Variants in GNG7 observed in about 807,000 individuals in gnomAD.
GNG7 encodes guanine nucleotide-binding protein G(I)/G(S)/G(O) subunit gamma-7.
Under a neutral mutation model 4.0 loss-of-function variants are expected in GNG7, and 1 was observed. That is an observed-to-expected ratio of 0.25 (90% CI 0.09 to 1.18). GNG7 has a LOEUF of 1.18. Ranked by LOEUF, GNG7 falls within the 50% of genes most tolerant of loss-of-function variation. The probability of loss-of-function intolerance (pLI) is 0.50; values close to 1 mark genes in which losing one functional copy is unlikely to be tolerated. For synonymous variants in GNG7, 34 were observed against 36.9 expected, an observed-to-expected ratio of 0.92 and a Z score of 0.29; for missense variants, 86 against 91.9, an observed-to-expected ratio of 0.94 and a Z score of 0.26.
intron 2 of GNG7, among the ~76,000 whole-genome samples, chr19:2,570,579 A>G (rs1169213110): frequency 6.6e-6 from 1 of 152,128 alleles, no homozygotes; most frequent in African/African-American, 2.4e-5. Flanking sequence ...AGAGCAAAGG[A>G]GAAGCTAAAT....
rs115102578 is a variant in GNG7, at chr19:2,516,111, G to C, written c.82-964C>G. Among the ~76,000 whole-genome samples, 577 of 152,020 alleles carry C rather than the reference G, an allele frequency of 3.8e-3. 6 individuals carry two copies. Among genetic ancestry groups the C allele is most frequent in the African/African-American group, 0.013 (532 of 41,470 alleles). ...GGGCATCTGTAGTCCCAGCTAACTGGGGGGCTGAGGCTGGAGGATTGCTTG... is the reference window on the plus strand; with the variant it reads ...GGGCATCTGTAGTCCCAGCTAACTGCGGGGCTGAGGCTGGAGGATTGCTTG... On this transcript the variant is annotated intron_variant, in intron 4 of 4. Transcript: ENST00000382159.
At position 2,514,709 on chromosome 19, in the gene GNG7, G is replaced by T. The variant is rs1340026915; in HGVS notation, c.*313C>A. 4.9e-6 allele frequency: 1 copy of T among 204,168 alleles called. No homozygotes were observed. Among genetic ancestry groups the T allele is most frequent in the Non-Finnish European group, 1.0e-5 (1 of 100,474 alleles). The allele number at this position is 204,168 out of a possible 1,614,324, so 12.6% of individuals were successfully genotyped here. A position where few individuals can be genotyped will look rare whatever the true frequency, so the allele number is the denominator to read the frequency against. ...AGTTTTAAAAAATTGTTACCCCATC[G>T]CTGGGGGATTTCAGTTATTCCGAAC... On this transcript the variant is annotated 3_prime_UTR_variant, in exon 5 of 5. Coordinates refer to ENST00000382159, the MANE Select transcript of GNG7 (RefSeq NM_052847.3).
Position 2,531,774 on chromosome 19 carries a change from A to ACC in GNG7, c.-37-11050_-37-11049insGG, listed in dbSNP as rs1168641834. ...TAACAGAGCGAGACTCCGTCCCAAA[A>ACC]AAAAAAAAAAATGCACAATACAATA... On this transcript the variant is annotated intron_variant, in intron 3 of 4. Coordinates refer to ENST00000382159, the MANE Select transcript of GNG7 (RefSeq NM_052847.3). 9.9e-4 allele frequency among the ~76,000 whole-genome samples: 143 copies of ACC among 145,022 alleles called. 1 individual carries two copies. Among genetic ancestry groups the ACC allele is most frequent in the African/African-American group, 2.5e-3 (89 of 36,274 alleles).
intron 3 of GNG7, among the ~76,000 whole-genome samples, chr19:2,552,163 C>T (rs1049590911): frequency 6.6e-6 from 1 of 151,990 alleles, no homozygotes; most frequent in Non-Finnish European, 1.5e-5. Flanking sequence ...CCTCGACTGG[C>T]CAACATGATA....
At position 2,669,878 on chromosome 19, in the gene GNG7, C is replaced by T. The variant is rs539049133; in HGVS notation, c.-134-23598G>A. ...TACAAAAATTAGCCAGGCGTGGTGG[C>T]GGGTACCTATAATCCCAGCTACTCG... On this transcript the variant is annotated intron_variant, in intron 1 of 4. Coordinates refer to ENST00000382159, the MANE Select transcript of GNG7 (RefSeq NM_052847.3). 8.6e-5 allele frequency among the ~76,000 whole-genome samples: 13 copies of T among 151,670 alleles called. No individual in the cohort carries two copies. The East Asian group carries it at 2.3e-3, about 27-fold the overall frequency.
At chr19:2,540,224 C>T (rs1311126652) in intron 3 of GNG7, among the ~76,000 whole-genome samples, 1 of 151,968 alleles carries the variant, frequency 6.6e-6, no homozygotes, top group African/African-American at 2.4e-5. Context: ...GATCCCACCT[C>T]ACTGAAAACT....
rs1352233151 is a variant in GNG7 at position 2,551,197 on chromosome 19, C to T, written c.-38+3952G>A. Among the ~76,000 whole-genome samples, 3 of 152,224 alleles carry T rather than the reference C, an allele frequency of 2.0e-5. No individual in the cohort carries two copies. The East Asian group carries it at 5.8e-4, about 29-fold the overall frequency. Reference sequence around the variant, plus strand: ...GGCTCAGGGCAGGCTCCAGGGACCTCACCCTGGCCGTTTGACCTCCAGCAA... The same window carrying T: ...GGCTCAGGGCAGGCTCCAGGGACCTTACCCTGGCCGTTTGACCTCCAGCAA... On this transcript the variant is annotated intron_variant, in intron 3 of 4. Transcript: ENST00000382159.
intron 2 of GNG7, among the ~76,000 whole-genome samples, chr19:2,577,154 C>G (rs928976597): frequency 2.0e-5 from 3 of 152,216 alleles, no homozygotes; most frequent in African/African-American, 7.2e-5. Context: ...CAATTGCCAT[C>G]CATGTGGCGC....
chr19:2,659,139 T>G (rs1983073543), intron 1 of GNG7, among the ~76,000 whole-genome samples: 1 of 151,892 alleles, frequency 6.6e-6, no homozygotes, highest in Non-Finnish European at 1.5e-5. Context: ...CTGGCTAATT[T>G]TTTGTATTTT....
chr19:2,698,400 C>T (rs1337319499), intron 1 of GNG7, among the ~76,000 whole-genome samples: 1 of 151,910 alleles, frequency 6.6e-6, no homozygotes, highest in Admixed American at 6.6e-5. Context: ...CCCGTCTCTA[C>T]TAAAAATATA....
intron 3 of GNG7, among the ~76,000 whole-genome samples, chr19:2,531,577 C>A (rs909598651): frequency 2.0e-5 from 3 of 151,904 alleles, no homozygotes; most frequent in Non-Finnish European, 2.9e-5. Context: ...CAAGACCATC[C>A]TGGCTAACAT....
At chr19:2,689,199 A>C (rs1355683894) in intron 1 of GNG7, among the ~76,000 whole-genome samples, 2 of 59,366 alleles carry the variant, frequency 3.4e-5, no homozygotes, top group African/African-American at 6.7e-5. Context: ...AAAATAATGC[A>C]AAAAAAAAGG....
intron 2 of GNG7, among the ~76,000 whole-genome samples, chr19:2,641,410 G>A (rs368690401): frequency 1.1e-4 from 17 of 152,276 alleles, no homozygotes; most frequent in East Asian, 3.9e-4. Flanking sequence ...GGGTGATCTG[G>A]GGGCCCCAAT....
chr19:2,692,494 G>A (rs1484824191), intron 1 of GNG7, among the ~76,000 whole-genome samples: 3 of 152,064 alleles, frequency 2.0e-5, no homozygotes, highest in African/African-American at 7.3e-5. Context: ...AATCAGCCGG[G>A]TGTGGTGGCG....
chr19:2,689,844 C>A (rs185624683), intron 1 of GNG7, among the ~76,000 whole-genome samples: 2 of 151,946 alleles, frequency 1.3e-5, no homozygotes, highest in African/African-American at 4.8e-5. Flanking sequence ...CACGCTTTTT[C>A]GGTAAGAGTC....
chr19:2,674,748 G>A (rs1018284834), intron 1 of GNG7, among the ~76,000 whole-genome samples: 1 of 152,208 alleles, frequency 6.6e-6, no homozygotes, highest in Non-Finnish European at 1.5e-5. Context: ...CAAGGTGACT[G>A]TTTTAAAACA....
chr19:2,629,328 C>A (rs1339186470), intron 2 of GNG7, among the ~76,000 whole-genome samples: 1 of 152,208 alleles, frequency 6.6e-6, no homozygotes, highest in Non-Finnish European at 1.5e-5. Context: ...TCCAGAAATT[C>A]TCAGGAGGCA....
At chr19:2,696,143 C>T (rs908709112) in intron 1 of GNG7, among the ~76,000 whole-genome samples, 8 of 140,584 alleles carry the variant, frequency 5.7e-5, no homozygotes, top group Non-Finnish European at 9.1e-5. Flanking sequence ...GGAGACAGAG[C>T]AAGACTCCGT....
At chr19:2,579,077 C>G (rs552596860) in intron 2 of GNG7, among the ~76,000 whole-genome samples, 2 of 152,240 alleles carry the variant, frequency 1.3e-5, no homozygotes, top group African/African-American at 4.8e-5. Flanking sequence ...GGCTCGTCTC[C>G]GGCCCTGGCA....
Sources: allele counts gnomAD v4.1 joint callset (sites outside exome capture counted in the v4.1 genomes callset), GRCh38; gene constraint gnomAD v4.1.1; transcripts MANE v1.5; gene names NCBI Gene and HGNC (gene_info 2026-07-23, HGNC 2026-07-21).